Variants in CFAP54 observed in about 807,000 individuals in gnomAD.
The protein encoded by CFAP54 is cilia and flagella associated protein 54, also known as cilia- and flagella-associated protein 54.
In CFAP54, 290 loss-of-function variants were observed where a neutral mutation model predicts 370.4. The observed-to-expected ratio is 0.78, with a 90% CI of 0.71 to 0.86. CFAP54 has a LOEUF of 0.86. Ranked by LOEUF, CFAP54 falls within the 40% of genes least tolerant of loss-of-function variation. CFAP54 has a pLI of 0.00. For synonymous variants in CFAP54, 1,206 were observed against 1,236.5 expected, an observed-to-expected ratio of 0.98 and a Z score of 0.52; for missense variants, 3,399 against 3,528.7, an observed-to-expected ratio of 0.96 and a Z score of 0.93.
chr12:96,606,821 G>A (rs532090723), intron 26 of CFAP54, among the ~76,000 whole-genome samples: 50 of 152,276 alleles, frequency 3.3e-4, no homozygotes, highest in Non-Finnish European at 6.2e-4. Flanking sequence ...TCGTTGCTTG[G>A]CTCAAAGACC....
rs116025036 is a variant in CFAP54, at chr12:96,558,064, G to A, written c.2410+3262G>A. 4.8e-3 allele frequency among the ~76,000 whole-genome samples: 723 copies of A among 152,178 alleles called. 4 individuals carry two copies. The highest frequency in any genetic ancestry group is 0.014 in the African/African-American group (568 of 41,530). On this transcript the variant is annotated intron_variant, in intron 17 of 67. Coordinates refer to ENST00000524981, the MANE Select transcript of CFAP54 (RefSeq NM_001306084.2). Reference sequence around the variant, plus strand: ...TTTGTGGAGGTGGCAGGGAGATGGCGTAGGAAGGAAAAGCATATAGGTAGA... The same window carrying A: ...TTTGTGGAGGTGGCAGGGAGATGGCATAGGAAGGAAAAGCATATAGGTAGA...
intron 26 of CFAP54, among the ~76,000 whole-genome samples, chr12:96,614,959 C>T (rs77568887): frequency 0.42 from 63,666 of 151,706 alleles, 13,899 homozygotes; most frequent in Admixed American, 0.5. Flanking sequence ...AGATTCAATG[C>T]CATCCCCATC....
chr12:96,789,329 G>C lies in CFAP54; in HGVS notation c.8679+2431G>C, dbSNP rs139639683. On this transcript the variant is annotated intron_variant, in intron 62 of 67. Coordinates refer to ENST00000524981, the MANE Select transcript of CFAP54 (RefSeq NM_001306084.2). ...GACGTGAACAGGCCAGGAAGGTAAT[G>C]TTAATGTCTGGCCCTGCACACAGAA... Among the ~76,000 whole-genome samples, 159 of 152,326 alleles carry C rather than the reference G, an allele frequency of 1.0e-3. 1 individual carries two copies. The highest frequency in any genetic ancestry group is 3.8e-3 in the African/African-American group (157 of 41,576).
At chr12:96,506,413 G>T (rs570983032) in intron 3 of CFAP54, among the ~76,000 whole-genome samples, 2 of 148,848 alleles carry the variant, frequency 1.3e-5, no homozygotes, top group African/African-American at 2.5e-5. Flanking sequence ...AATTTCTTGT[G>T]ACTAAGGAAA....
intron 47 of CFAP54, among the ~76,000 whole-genome samples, chr12:96,708,018 G>T (rs560665081): frequency 6.6e-6 from 1 of 152,276 alleles, no homozygotes; most frequent in East Asian, 1.9e-4. Context: ...GTGATTGTGT[G>T]ATTTTCTCCA....
intron 60 of CFAP54, among the ~76,000 whole-genome samples, chr12:96,766,451 G>A (rs977190602): frequency 3.3e-5 from 5 of 152,214 alleles, no homozygotes; most frequent in South Asian, 2.1e-4. Flanking sequence ...GCAGCCAGGA[G>A]GAGCTGGTCA....
chr12:96,828,708 G>T (rs1959155586), intron 65 of CFAP54, among the ~76,000 whole-genome samples: 1 of 152,058 alleles, frequency 6.6e-6, no homozygotes, highest in African/African-American at 2.4e-5. Context: ...ATTCTTCTCT[G>T]CTGCAAGCCC....
intron 39 of CFAP54, among the ~76,000 whole-genome samples, chr12:96,666,255 G>C (rs1421410): frequency 0.89 from 134,766 of 152,256 alleles, 59,883 homozygotes; most frequent in East Asian, 0.96. Flanking sequence ...TCTGTTTCAA[G>C]TCCCATAATA....
chr12:96,849,071 C>G (rs1248354072), intron 66 of CFAP54, among the ~76,000 whole-genome samples: 2 of 152,030 alleles, frequency 1.3e-5, no homozygotes, highest in African/African-American at 4.8e-5. Flanking sequence ...TAAGTAAGCT[C>G]GTGTCATATT....
Position 96,589,442 on chromosome 12 carries a change from G to A in CFAP54, c.3091G>A (p.Gly1031Ser), listed in dbSNP as rs61729736. 5.0e-4 allele frequency: 772 copies of A among 1,532,086 alleles called. 7 individuals are homozygous for A. The African/African-American group carries it at 9.7e-3, about 19-fold the overall frequency. The allele number at this position is 1,532,086 out of a possible 1,614,324, so 94.9% of individuals were successfully genotyped here. ...TTTGTTATAGGTTGCCTATCAAGTT[G>A]GTAACTATGAATTGGCTAAGAAAGT... ...MFLTQVAYQV[G>S]NYELAKKVFS... The change falls in exon 23 of 68, where the codon GGT (glycine) becomes AGT (serine). Residue 1031 changes from glycine (G) to serine (S), a missense_variant. This residue lies in a region of CFAP54 where 2,796 missense variants were observed against 2,869.7 expected (regional missense o/e 0.97). Transcript: ENST00000524981.
At chr12:96,725,023 C>T (rs1957812521) in intron 50 of CFAP54, among the ~76,000 whole-genome samples, 1 of 152,208 alleles carries the variant, frequency 6.6e-6, no homozygotes, top group South Asian at 2.1e-4. Flanking sequence ...CTGTTCTGTT[C>T]CATTGATCTA....
intron 44 of CFAP54, among the ~76,000 whole-genome samples, chr12:96,693,373 C>T (rs1312281517): frequency 1.3e-5 from 2 of 152,164 alleles, no homozygotes; most frequent in Non-Finnish European, 2.9e-5. Flanking sequence ...AGAATTTTTC[C>T]ACAGGCCACA....
At chr12:96,825,464 TATATTA>T (rs1242693580) in intron 65 of CFAP54, among the ~76,000 whole-genome samples, 9 of 115,994 alleles carry the variant, frequency 7.8e-5, no homozygotes, top group African/African-American at 3.2e-4. Flanking sequence ...TATAATATAA[TATATTA>T]TATATATTAT....
chr12:96,810,883 G>A (rs929640240), intron 63 of CFAP54, among the ~76,000 whole-genome samples: 2 of 152,078 alleles, frequency 1.3e-5, no homozygotes, highest in Non-Finnish European at 2.9e-5. Flanking sequence ...TCCTAGAAAG[G>A]GAGCTTCAAG....
chr12:96,655,085 T>C (rs1474734114), intron 36 of CFAP54, among the ~76,000 whole-genome samples: 1 of 152,042 alleles, frequency 6.6e-6, no homozygotes, highest in Admixed American at 6.5e-5. Flanking sequence ...ATATGTGATA[T>C]CAAGGCTTAC....
chr12:96,635,185 T>A (rs1203151883), intron 32 of CFAP54, among the ~76,000 whole-genome samples: 2 of 152,226 alleles, frequency 1.3e-5, no homozygotes, highest in African/African-American at 4.8e-5. Flanking sequence ...ATATGAATTT[T>A]AAAAATATAT....
rs76679900 is a variant in CFAP54 at position 96,788,675 on chromosome 12, A to T, written c.8679+1777A>T. Among the ~76,000 whole-genome samples, 2,322 of 147,432 alleles carry T rather than the reference A, an allele frequency of 0.016. 75 individuals carry two copies. The East Asian group carries it at 0.16, about 10-fold the overall frequency. On this transcript the variant is annotated intron_variant, in intron 62 of 67. Coordinates refer to ENST00000524981, the MANE Select transcript of CFAP54 (RefSeq NM_001306084.2). The stretch of plus-strand genomic sequence containing the variant: ...GATTAAATTATACATTTTTTTTTTT[A>T]AAAATCACTCTTTTGAACATTCCTT...
intron 38 of CFAP54, among the ~76,000 whole-genome samples, chr12:96,659,860 C>G (rs1311752250): frequency 1.3e-5 from 2 of 152,160 alleles, no homozygotes; most frequent in African/African-American, 4.8e-5. Flanking sequence ...AGCAAGGACT[C>G]AATTTTCTTC....
chr12:96,619,084 G>A (rs1456786802), intron 26 of CFAP54, among the ~76,000 whole-genome samples: 6 of 152,042 alleles, frequency 3.9e-5, no homozygotes, highest in South Asian at 2.1e-4. Context: ...GGCTGGTCTT[G>A]AACTCCTGAG....
Sources: gnomAD v4.1 joint callset for allele counts (sites outside exome capture counted in the v4.1 genomes callset) on GRCh38, gnomAD v4.1.1 for gene constraint, gnomAD v4.1.1 regional missense constraint, MANE v1.5 for transcripts, NCBI Gene and HGNC (gene_info 2026-07-23, HGNC 2026-07-21) for gene names.